Variants in MAP7D1 observed in about 807,000 individuals in gnomAD.
The protein encoded by MAP7D1 is MAP7 domain containing 1.
Under a neutral mutation model 97.5 loss-of-function variants are expected in MAP7D1, and 30 were observed. The ratio of observed to expected loss-of-function variants is 0.31; its 90% CI spans 0.23 to 0.42. The LOEUF is 0.42. MAP7D1 is among the 10% of genes least tolerant of loss of function. The pLI is 1.00. For synonymous variants in MAP7D1, 536 were observed against 477.1 expected (o/e 1.12, Z -1.61); for missense variants, 1,184 against 1,179.5 (o/e 1.00, Z -0.06).
In MAP7D1 at chr1:36,159,943, G is replaced by C. The variant is rs572313303; in HGVS notation, c.46+3480G>C. ...ATGAGGCCTCTAATGAGCCCCTAATGTGCAGTCACGCATATGCAAATGAGG... is the reference window on the plus strand; with the variant it reads ...ATGAGGCCTCTAATGAGCCCCTAATCTGCAGTCACGCATATGCAAATGAGG... On this transcript the variant is annotated intron_variant, in intron 1 of 16. Transcript: ENST00000474796. The surrounding 1 kb of genome is among the most constrained non-coding windows in gnomAD (Gnocchi z 5.4). 2.4e-4 allele frequency among the ~76,000 whole-genome samples: 36 copies of C among 152,318 alleles called. No homozygotes were observed. Among genetic ancestry groups the C allele is most frequent in the African/African-American group, 8.4e-4 (35 of 41,578 alleles).
intron 1 of MAP7D1, among the ~76,000 whole-genome samples, chr1:36,167,659 G>A (rs1453680549): frequency 2.0e-5 from 3 of 152,180 alleles, no homozygotes; most frequent in Admixed American, 6.5e-5. Context: ...GAGGTTCGCC[G>A]GGAGCCGAGG....
intron 1 of MAP7D1, among the ~76,000 whole-genome samples, chr1:36,164,515 C>G (rs1185745776): frequency 6.6e-6 from 1 of 152,066 alleles, no homozygotes; most frequent in Non-Finnish European, 1.5e-5. Flanking sequence ...TAGGAGTTAG[C>G]TAAGAAAAGA....
intron 5 of MAP7D1, among the ~76,000 whole-genome samples, chr1:36,174,637 G>T (rs1644591965): frequency 6.6e-6 from 1 of 152,144 alleles, no homozygotes; most frequent in Admixed American, 6.5e-5. Context: ...GGTCTGGCCA[G>T]GAAAGCTGTA....
Position 36,175,028 on chromosome 1 carries a change from T to C in MAP7D1, c.850+20T>C. The C allele has an allele frequency of 1.3e-6, 2 of 1,544,726 alleles. No individual in the cohort carries two copies. Among genetic ancestry groups the C allele is most frequent in the Non-Finnish European group, 1.8e-6 (2 of 1,117,604 alleles). ...GTAGAAGTAAGAGAAGGCCCAGCCC[T>C]TCCCCCTCCAGAGCCCCTTGTAGCT... On this transcript the variant is annotated intron_variant, in intron 6 of 16. Coordinates refer to ENST00000474796, the MANE Select transcript of MAP7D1 (RefSeq NM_001388490.1).
rs1241923583 is a variant in MAP7D1 at position 36,159,320 on chromosome 1, C to T, written c.46+2857C>T. 1.3e-5 allele frequency among the ~76,000 whole-genome samples: 2 copies of T among 152,026 alleles called. No individual in the cohort carries two copies. Among genetic ancestry groups the T allele is most frequent in the Admixed American group, 6.6e-5 (1 of 15,258 alleles). On this transcript the variant is annotated intron_variant, in intron 1 of 16. Coordinates refer to ENST00000474796, the MANE Select transcript of MAP7D1 (RefSeq NM_001388490.1). This position sits in a 1 kb window ranked among gnomAD's most constrained non-coding sequence, Gnocchi z 5.4. ...ATCTTCCCACCTTGGCCTCCCAAAGCGCTGGGATTACAGGCGTGAGCCACC... is the reference window on the plus strand; with the variant it reads ...ATCTTCCCACCTTGGCCTCCCAAAGTGCTGGGATTACAGGCGTGAGCCACC...
Position 36,173,368 on chromosome 1 carries a change from G to T in MAP7D1, c.629G>T (p.Arg210Leu). The T allele has an allele frequency of 6.2e-7, 1 of 1,612,808 alleles. No homozygotes were observed. Among genetic ancestry groups the T allele is most frequent in the South Asian group, 1.1e-5 (1 of 90,966 alleles). Reference protein sequence around the residue: ...QRQKLEKNKERYEAAIQRSVK... With the variant: ...QRQKLEKNKELYEAAIQRSVK... ...CTTCTCCCCACCTTCCCCCAGGAGC[G>T]CTATGAAGCAGCCATCCAACGGTCA... The change falls in exon 5 of 17, where the codon CGC becomes CTC. Residue 210 changes from arginine (R) to leucine (L), a missense_variant. Coordinates refer to ENST00000474796, the MANE Select transcript of MAP7D1 (RefSeq NM_001388490.1).
Position 36,156,317 on chromosome 1 carries a change from G to A in MAP7D1, c.-101G>A. On this transcript the variant is annotated 5_prime_UTR_variant, in exon 1 of 17. Transcript: ENST00000474796. ...CCTCCGAGTCGCTACTTGCCGGGCC[G>A]GGCCGGGCCGGGCGTGATGCGCCGC... 9.7e-7 allele frequency: 1 copy of A among 1,026,660 alleles called. No individual in the cohort carries two copies. The highest frequency in any genetic ancestry group is 1.3e-6 in the Non-Finnish European group (1 of 770,800). The allele number at this position is 1,026,660 out of a possible 1,614,324, so 63.6% of individuals were successfully genotyped here. A position where few individuals can be genotyped will look rare whatever the true frequency, so the allele number is the denominator to read the frequency against.
chr1:36,167,042 T>C (rs1458516073), intron 1 of MAP7D1, among the ~76,000 whole-genome samples: 1 of 151,918 alleles, frequency 6.6e-6, no homozygotes, highest in East Asian at 1.9e-4. Flanking sequence ...GTTGCATGAG[T>C]GAAACTAGAC....
chr1:36,178,052 C>T lies in MAP7D1; in HGVS notation c.1559C>T (p.Ala520Val). 1 of 1,612,482 alleles carries T rather than the reference C, an allele frequency of 6.2e-7. No homozygotes were observed. The highest frequency in any genetic ancestry group is 1.1e-5 in the South Asian group (1 of 90,928). The change falls in exon 9 of 17, where the codon GCC becomes GTC. Residue 520 changes from alanine (A) to valine (V), a missense_variant. Physicochemically the swap from Ala to Val is moderately conservative, Grantham distance 64. Coordinates refer to ENST00000474796, the MANE Select transcript of MAP7D1 (RefSeq NM_001388490.1). ...GAGGAGGCAAAGGAGAGCCCCAGCG[C>T]CGCAGGGCCCGAGGACAAGAGCCAG... The part of the protein sequence containing the change: ...RKEEAKESPS[A>V]AGPEDKSQSK...
At chr1:36,158,234 A>C (rs1644363721) in intron 1 of MAP7D1, among the ~76,000 whole-genome samples, 1 of 152,032 alleles carries the variant, frequency 6.6e-6, no homozygotes, top group Non-Finnish European at 1.5e-5. Flanking sequence ...TCTTCTATAC[A>C]CAGGGATCTA....
In MAP7D1 at chr1:36,171,168, C is replaced by G. The variant is rs754590247; in HGVS notation, c.244C>G (p.Pro82Ala). The G allele has an allele frequency of 6.2e-7, 1 of 1,613,982 alleles. No individual in the cohort carries two copies. The highest frequency in any genetic ancestry group is 2.2e-5 in the East Asian group (1 of 44,886). Reference protein sequence around the residue: ...SGQVGPRPAPPQEESPSSEAK... With the variant: ...SGQVGPRPAPAQEESPSSEAK... ...GCAGGTCGGGCCTAGGCCAGCCCCCCCGCAGGAAGAGTCCCCTTCCTCTGA... is the reference window on the plus strand; with the variant it reads ...GCAGGTCGGGCCTAGGCCAGCCCCCGCGCAGGAAGAGTCCCCTTCCTCTGA... Residue 82 changes from proline (P) to alanine (A), a missense_variant, in exon 2 of 17, where the codon CCG becomes GCG. Pro to Ala is a conservative substitution (Grantham distance 27). Transcript: ENST00000474796.
In MAP7D1 at chr1:36,176,203, C is replaced by T. The variant is rs757089531; in HGVS notation, c.855C>T (p.Arg285=). The T allele has an allele frequency of 3.1e-6, 5 of 1,606,584 alleles. No individual in the cohort carries two copies. Among genetic ancestry groups the T allele is most frequent in the Non-Finnish European group, 4.2e-6 (5 of 1,178,894 alleles). ...ATLWNSPSRN[R]SLQLSAWESS... ...CGCCTGGCCTTCTACCCCCAGATCG[C>T]AGCCTGCAGCTGAGCGCATGGGAGA... Residue 285 remains arginine (R), a synonymous_variant, in exon 7 of 17, where the codon CGC becomes CGT. Transcript: ENST00000474796. This position sits in a 1 kb window ranked among gnomAD's most constrained non-coding sequence, Gnocchi z 6.1.
chr1:36,161,638 C>T (rs996168140), intron 1 of MAP7D1, among the ~76,000 whole-genome samples: 6 of 152,166 alleles, frequency 3.9e-5, no homozygotes, highest in East Asian at 1.9e-4. Context: ...TCCTGTTAAT[C>T]GGACTTTCTC....
chr1:36,177,801 A>C, intron 8 of MAP7D1, 72 bp from the exon 9 acceptor site: 2 of 1,516,200 alleles, frequency 1.3e-6, no homozygotes, highest in Non-Finnish European at 1.8e-6. Context: ...GGCACCTCCC[A>C]GAGGAAGGAA....
intron 1 of MAP7D1, among the ~76,000 whole-genome samples, chr1:36,166,789 A>G (rs1230059679): frequency 1.3e-5 from 2 of 152,232 alleles, no homozygotes; most frequent in Admixed American, 6.5e-5. Context: ...CAGAGCTGAT[A>G]GTAGCTCTGA....
intron 1 of MAP7D1, among the ~76,000 whole-genome samples, chr1:36,161,877 A>ATGTGTGTGTGTGTGTGTG (rs10531948): frequency 7.2e-6 from 1 of 139,042 alleles, no homozygotes; most frequent in African/African-American, 2.8e-5. Context: ...GTGTGTGTGT[A>ATGTGTGTGTGTGTGTGTG]TGTGTGTGTG....
In MAP7D1 at chr1:36,157,842, C is replaced by T. The variant is rs550877450; in HGVS notation, c.46+1379C>T. Among the ~76,000 whole-genome samples, 431 of 152,236 alleles carry T rather than the reference C, an allele frequency of 2.8e-3. 2 individuals carry two copies. Among genetic ancestry groups the T allele is most frequent in the African/African-American group, 9.8e-3 (409 of 41,532 alleles). On this transcript the variant is annotated intron_variant, in intron 1 of 16. Coordinates refer to ENST00000474796, the MANE Select transcript of MAP7D1 (RefSeq NM_001388490.1). ...TGGGAGAACAGGGAGGGGAGGCTAC[C>T]ATCAGACTGGTGGGTTTCAGGAGGC...
chr1:36,174,997 C>T lies in MAP7D1; in HGVS notation c.839C>T (p.Ser280Phe). Reference protein sequence around the residue: ...LSKSSATLWNSPSRNRSLQLS... With the variant: ...LSKSSATLWNFPSRNRSLQLS... ...AAGTCCTCTGCCACGCTCTGGAACTCCCCCAGTAGAAGTAAGAGAAGGCCC... is the reference window on the plus strand; with the variant it reads ...AAGTCCTCTGCCACGCTCTGGAACTTCCCCAGTAGAAGTAAGAGAAGGCCC... Residue 280 changes from serine to phenylalanine, a missense_variant, in exon 6 of 17, where the codon TCC becomes TTC. Ser to Phe is a radical substitution (Grantham distance 155). Coordinates refer to ENST00000474796, the MANE Select transcript of MAP7D1 (RefSeq NM_001388490.1). The T allele has an allele frequency of 6.2e-7, 1 of 1,611,986 alleles. No homozygotes were observed. The highest frequency in any genetic ancestry group is 8.5e-7 in the Non-Finnish European group (1 of 1,178,266).
In MAP7D1 at chr1:36,168,189, G is replaced by C. The variant is rs1644496383; in HGVS notation, c.47-2782G>C. ...GCCTGCCTGTTGTCCCAGCTACTCTGGAGGCTGAGGCAGGAGAATTGCTTG... is the reference window on the plus strand; with the variant it reads ...GCCTGCCTGTTGTCCCAGCTACTCTCGAGGCTGAGGCAGGAGAATTGCTTG... On this transcript the variant is annotated intron_variant, in intron 1 of 16. Coordinates refer to ENST00000474796, the MANE Select transcript of MAP7D1 (RefSeq NM_001388490.1). Among the ~76,000 whole-genome samples, 5 of 152,050 alleles carry C rather than the reference G, an allele frequency of 3.3e-5. No individual in the cohort carries two copies. The South Asian group carries it at 1.0e-3, about 31-fold the overall frequency.
Sources: allele counts gnomAD v4.1 joint callset (sites outside exome capture counted in the v4.1 genomes callset), GRCh38; gene constraint gnomAD v4.1.1; non-coding constraint Gnocchi (gnomAD v3.1); transcripts MANE v1.5; gene names NCBI Gene and HGNC (gene_info 2026-07-23, HGNC 2026-07-21).